CDK5RAP2: variants seen among roughly 807,000 people sequenced by gnomAD.
CDK5RAP2 encodes the protein CDK5 regulatory subunit associated protein 2, also known as CDK5 regulatory subunit-associated protein 2.
CDK5RAP2 carries 147 observed loss-of-function variants against 232.9 expected under a neutral mutation model. The observed-to-expected ratio is 0.63, with a 90% confidence interval of 0.55 to 0.72. The LOEUF is 0.72. CDK5RAP2 is among the 30% of genes least tolerant of loss of function. CDK5RAP2 has a pLI of 0.00. For synonymous variants in CDK5RAP2, 833 were observed against 833.7 expected (o/e 1.00, Z 0.01); for missense variants, 2,195 against 2,231.5 (o/e 0.98, Z 0.33).
Position 120,458,513 on chromosome 9 carries a change from C to A in CDK5RAP2, c.2312G>T (p.Gly771Val). The change falls in exon 20 of 38, where the codon GGT becomes GTT. Residue 771 changes from glycine (G) to valine (V), a missense_variant. Gly to Val is a moderately radical substitution (Grantham distance 109, BLOSUM62 -3). Transcript: ENST00000349780. ...GAHAPGCLEE[G>V]AFINLLAPLF... The stretch of plus-strand genomic sequence containing the variant: ...AGGGGCAAGCAGGTTTATGAATGCA[C>A]CTTCTTCTAGGCAGCCAGGTGCGTG... The A allele has an allele frequency of 6.2e-7, 1 of 1,614,204 alleles. No homozygotes were observed. The highest frequency in any genetic ancestry group is 8.5e-7 in the Non-Finnish European group (1 of 1,180,026).
At chr9:120,466,034 T>A (rs894930155) in intron 18 of CDK5RAP2, among the ~76,000 whole-genome samples, 1 of 152,214 alleles carries the variant, frequency 6.6e-6, no homozygotes, top group African/African-American at 2.4e-5. Flanking sequence ...CTTTTCCAAA[T>A]GTTGGGGTAA....
At chr9:120,543,523 T>A (rs916622650) in intron 5 of CDK5RAP2, among the ~76,000 whole-genome samples, 9 of 152,264 alleles carry the variant, frequency 5.9e-5, no homozygotes, top group African/African-American at 1.9e-4. Flanking sequence ...TGCCATCTCC[T>A]CAGGGACACT....
chr9:120,494,471 A>G (rs1259442354), intron 12 of CDK5RAP2, among the ~76,000 whole-genome samples: 1 of 152,218 alleles, frequency 6.6e-6, no homozygotes, highest in Admixed American at 6.5e-5. Flanking sequence ...CATGTTGAAA[A>G]GGCACAGGAA....
At chr9:120,401,436 C>A (rs111565824) in intron 34 of CDK5RAP2, among the ~76,000 whole-genome samples, 6,609 of 151,712 alleles carry the variant, frequency 0.044, 199 homozygotes, top group African/African-American at 0.085. Context: ...CATAGTGAGA[C>A]CCCCATCTCT....
chr9:120,472,102 C>T (rs930472330), intron 15 of CDK5RAP2, among the ~76,000 whole-genome samples: 3 of 152,196 alleles, frequency 2.0e-5, no homozygotes, highest in Non-Finnish European at 4.4e-5. Flanking sequence ...TATTTCCTTC[C>T]AATCTTTTCC....
intron 11 of CDK5RAP2, among the ~76,000 whole-genome samples, chr9:120,520,024 G>A (rs900628211): frequency 7.9e-5 from 12 of 152,042 alleles, no homozygotes; most frequent in African/African-American, 1.7e-4. Context: ...GTGGTATTTC[G>A]TTAATACACA....
intron 11 of CDK5RAP2, 80 bp from the exon 12 acceptor site, chr9:120,518,725 G>C: frequency 1.8e-6 from 2 of 1,100,900 alleles, no homozygotes; most frequent in African/African-American, 1.6e-5. Context: ...GCTCTTTTTC[G>C]CCGTGGGGGA....
intron 3 of CDK5RAP2, among the ~76,000 whole-genome samples, chr9:120,554,628 G>GTTT (rs1350064880): frequency 2.0e-5 from 3 of 151,036 alleles, no homozygotes; most frequent in African/African-American, 7.3e-5. Flanking sequence ...GAAACTTTTT[G>GTTT]TTTTTTTTGT....
rs903982727 is a variant in CDK5RAP2, at chr9:120,543,253, C to T, written c.383+2461G>A. Among the ~76,000 whole-genome samples, 2 of 152,184 alleles carry T rather than the reference C, an allele frequency of 1.3e-5. 1 individual carries two copies. The highest frequency in any genetic ancestry group is 1.3e-4 in the Admixed American group (2 of 15,282). On this transcript the variant is annotated intron_variant, in intron 5 of 37. Coordinates refer to ENST00000349780, the MANE Select transcript of CDK5RAP2 (RefSeq NM_018249.6). ...CCACTGGACTAGCTTCCTGACTGGT[C>T]GCCCAGCTTTCACTCATGCTGTCTC...
At chr9:120,429,865 C>T (rs1218552233) in intron 25 of CDK5RAP2, among the ~76,000 whole-genome samples, 1 of 152,176 alleles carries the variant, frequency 6.6e-6, no homozygotes, top group African/African-American at 2.4e-5. Flanking sequence ...AACTATACTA[C>T]AAGGCTACAG....
At chr9:120,490,494 C>T (rs938607098) in intron 13 of CDK5RAP2, among the ~76,000 whole-genome samples, 1 of 152,176 alleles carries the variant, frequency 6.6e-6, no homozygotes, top group African/African-American at 2.4e-5. Context: ...GCCAGTCTCC[C>T]ATTTTTAAAG....
At chr9:120,463,116 A>G (rs2037182627) in intron 18 of CDK5RAP2, among the ~76,000 whole-genome samples, 1 of 152,160 alleles carries the variant, frequency 6.6e-6, no homozygotes, top group Non-Finnish European at 1.5e-5. Flanking sequence ...TCACACCTGT[A>G]ATCCCAGCAC....
At chr9:120,391,108 A>G (rs1468611517) in intron 36 of CDK5RAP2, among the ~76,000 whole-genome samples, 1 of 151,914 alleles carries the variant, frequency 6.6e-6, no homozygotes, top group African/African-American at 2.4e-5. Context: ...GGACGTCCGC[A>G]TTTTTCCACA....
chr9:120,408,273 G>A, intron 31 of CDK5RAP2, 74 bp downstream of exon 31: 1 of 1,583,110 alleles, frequency 6.3e-7, no homozygotes, highest in Non-Finnish European at 8.6e-7. Flanking sequence ...CTGCCCTCCT[G>A]TGCCTACAGC....
At chr9:120,425,641 AG>A (rs1217340896) in intron 25 of CDK5RAP2, among the ~76,000 whole-genome samples, 1 of 152,256 alleles carries the variant, frequency 6.6e-6, no homozygotes, top group Non-Finnish European at 1.5e-5. Flanking sequence ...GTGCTTAAGA[AG>A]CCACTTTTGA....
chr9:120,522,052 C>T, intron 11 of CDK5RAP2, among the ~76,000 whole-genome samples: 1 of 152,100 alleles, frequency 6.6e-6, no homozygotes, highest in Non-Finnish European at 1.5e-5. Context: ...AATCCATGTC[C>T]CACTCCATGT....
At chr9:120,455,362 C>A (rs992045336) in intron 20 of CDK5RAP2, among the ~76,000 whole-genome samples, 5 of 118,986 alleles carry the variant, frequency 4.2e-5, no homozygotes, top group Admixed American at 9.7e-5. Flanking sequence ...GAGTCCTGTA[C>A]AACACGTTAA....
At position 120,456,493 on chromosome 9, in the gene CDK5RAP2, A is replaced by G. The variant is rs112490358; in HGVS notation, c.2375+1957T>C. On this transcript the variant is annotated intron_variant, in intron 20 of 37. Transcript: ENST00000349780. ...GCATATCCAGATTTCTATTATCTAG[A>G]TGGGGGCAGAGTCAACTCCATTTAA... Among the ~76,000 whole-genome samples the G allele has an allele frequency of 1.5e-3, 224 of 152,264 alleles. 1 individual carries two copies. Among genetic ancestry groups the G allele is most frequent in the African/African-American group, 5.2e-3 (217 of 41,552 alleles).
intron 3 of CDK5RAP2, among the ~76,000 whole-genome samples, chr9:120,556,911 C>T (rs1314340955): frequency 6.6e-6 from 1 of 150,762 alleles, no homozygotes; most frequent in African/African-American, 2.4e-5. Flanking sequence ...GGAAACAGCA[C>T]ATAAAACATT....
Sources: gnomAD v4.1 joint callset for allele counts (sites outside exome capture counted in the v4.1 genomes callset) on GRCh38, gnomAD v4.1.1 for gene constraint, MANE v1.5 for transcripts, NCBI Gene and HGNC (gene_info 2026-07-23, HGNC 2026-07-21) for gene names.